CCDC33: variants seen among roughly 807,000 people sequenced by gnomAD.
CCDC33 encodes the protein coiled-coil domain containing 33, also known as coiled-coil domain-containing protein 33.
CCDC33 carries 94 observed loss-of-function variants against 91.9 expected under a neutral mutation model. That is an observed-to-expected ratio of 1.02 (90% CI 0.87 to 1.21). The LOEUF (loss-of-function observed/expected upper bound fraction) is 1.21, where lower values mean the gene tolerates loss of function less well. Among genes scored for constraint, CCDC33 ranks in the 50% most tolerant of loss-of-function variants. The pLI is 0.00. For missense variants in CCDC33, 940 were observed against 935.5 expected (o/e 1.00, Z -0.06); for synonymous variants, 396 against 374.5 (o/e 1.06, Z -0.66).
chr15:74,323,584 G>A (rs147896099), intron 11 of CCDC33, among the ~76,000 whole-genome samples: 1,773 of 152,094 alleles, frequency 0.012, 27 homozygotes, highest in African/African-American at 0.041. Flanking sequence ...CTGAAGTGCA[G>A]TGGCATAATC....
At chr15:74,324,517 C>CA (rs2142840147) in intron 11 of CCDC33, among the ~76,000 whole-genome samples, 1 of 152,172 alleles carries the variant, frequency 6.6e-6, no homozygotes, top group East Asian at 1.9e-4. Context: ...GCCCTCTTGC[C>CA]AGCCTGCTCT....
intron 2 of CCDC33, among the ~76,000 whole-genome samples, chr15:74,251,902 C>T (rs978389308): frequency 6.6e-6 from 1 of 152,184 alleles, no homozygotes; most frequent in Non-Finnish European, 1.5e-5. Context: ...TTATCAAATA[C>T]TCACCATACC....
chr15:74,249,477 G>A (rs978746000), intron 2 of CCDC33, among the ~76,000 whole-genome samples: 1 of 147,858 alleles, frequency 6.8e-6, no homozygotes, highest in Non-Finnish European at 1.5e-5. Context: ...GACAGAGCGA[G>A]GCTCCGTCTA....
At chr15:74,240,853 A>G (rs912054477) in intron 1 of CCDC33, among the ~76,000 whole-genome samples, 23 of 152,094 alleles carry the variant, frequency 1.5e-4, no homozygotes, top group African/African-American at 5.6e-4. Flanking sequence ...TCGGCCTCCC[A>G]AAGTGCTGGG....
At chr15:74,257,718 G>A (rs1046517063) in intron 2 of CCDC33, among the ~76,000 whole-genome samples, 3 of 152,216 alleles carry the variant, frequency 2.0e-5, no homozygotes, top group Admixed American at 6.5e-5. Flanking sequence ...CAATCTATCT[G>A]TTCAAGCCCT....
intron 10 of CCDC33, among the ~76,000 whole-genome samples, chr15:74,285,676 G>A (rs955814918): frequency 5.3e-5 from 8 of 151,952 alleles, no homozygotes; most frequent in African/African-American, 1.9e-4. Flanking sequence ...AATGGCAAGA[G>A]GTGGTGGTCT....
intron 11 of CCDC33, among the ~76,000 whole-genome samples, chr15:74,317,693 C>T (rs2060117340): frequency 2.0e-5 from 3 of 152,160 alleles, no homozygotes; most frequent in Admixed American, 1.3e-4. Flanking sequence ...GTGGAGGGCC[C>T]TATCATGAAA....
At chr15:74,250,887 C>G (rs917954787) in intron 2 of CCDC33, among the ~76,000 whole-genome samples, 16 of 152,208 alleles carry the variant, frequency 1.1e-4, no homozygotes, top group African/African-American at 3.6e-4. Context: ...TGGTGCTAGA[C>G]AGTGTGAGAT....
intron 10 of CCDC33, among the ~76,000 whole-genome samples, chr15:74,286,994 G>C (rs1449443046): frequency 6.6e-6 from 1 of 152,212 alleles, no homozygotes; most frequent in Non-Finnish European, 1.5e-5. Context: ...TCTCTCTGGA[G>C]ACCAGCCCAG....
At chr15:74,222,556 G>A (rs546838089) in intron 2 of CCDC33, among the ~76,000 whole-genome samples, 86 of 134,640 alleles carry the variant, frequency 6.4e-4, no homozygotes, top group East Asian at 3.0e-3. Flanking sequence ...AATTCCTTCC[G>A]TTTAAAACAC....
intron 11 of CCDC33, among the ~76,000 whole-genome samples, chr15:74,304,943 CTTCTTCT>C (rs1427061167): frequency 8.0e-6 from 1 of 125,078 alleles, no homozygotes; most frequent in African/African-American, 2.5e-5. Flanking sequence ...TCTGCTTCTT[CTTCTTCT>C]TTTTTTTTTT....
chr15:74,247,394 ACACG>A (rs1190588220), intron 2 of CCDC33, among the ~76,000 whole-genome samples: 5 of 140,886 alleles, frequency 3.5e-5, no homozygotes, highest in African/African-American at 1.3e-4. Flanking sequence ...ACACACACAC[ACACG>A]TCATATACAT....
rs1239832425 is a variant in CCDC33 at position 74,218,778 on chromosome 15, C to A, written c.592C>A (p.Pro198Thr). 7.8e-7 allele frequency: 1 copy of A among 1,289,060 alleles called. No homozygotes were observed. The highest frequency in any genetic ancestry group is 1.0e-6 in the Non-Finnish European group (1 of 988,414). The allele number at this position is 1,289,060 out of a possible 1,614,324, so 79.9% of individuals were successfully genotyped here. A position where few individuals can be genotyped will look rare whatever the true frequency, so the allele number is the denominator to read the frequency against. Reference sequence around the variant, plus strand: ...CTTCCACGTCCACCGGGGCCCTCAGCCTCCAGTCTCAGACAGCCCTCCCAG... The same window carrying A: ...CTTCCACGTCCACCGGGGCCCTCAGACTCCAGTCTCAGACAGCCCTCCCAG... Residue 198 changes from proline to threonine, a missense_variant, in exon 2 of 3, where the codon CCT becomes ACT. Pro to Thr is a conservative substitution (Grantham distance 38). Coordinates refer to the CCDC33 transcript ENST00000635913. The surrounding 1 kb of genome is among the most constrained non-coding windows in gnomAD (Gnocchi z 4.8).
upstream of CCDC33, chr15:74,217,196 C>A: frequency 9.0e-7 from 1 of 1,116,916 alleles, no homozygotes; most frequent in Non-Finnish European, 1.1e-6. Context: ...AGCCTGCAGG[C>A]TTTCAGACTG....
chr15:74,262,670 T>TAGCC (rs1229863390), intron 3 of CCDC33, 97 bp downstream of exon 3: 6 of 1,370,624 alleles, frequency 4.4e-6, no homozygotes, highest in Non-Finnish European at 5.9e-6. Context: ...CTGCAGCTGG[T>TAGCC]AGCCACCTGA....
Position 74,279,995 on chromosome 15 carries a change from C to A in CCDC33, c.792C>A (p.Pro264=). The A allele has an allele frequency of 1.2e-6, 2 of 1,614,152 alleles. No homozygotes were observed. Among genetic ancestry groups the A allele is most frequent in the Non-Finnish European group, 1.7e-6 (2 of 1,180,014 alleles). The change falls in exon 8 of 19, where the codon CCC becomes CCA. Residue 264 remains proline, a synonymous_variant. Coordinates refer to ENST00000398814, the MANE Select transcript of CCDC33 (RefSeq NM_025055.5). The part of the protein sequence containing the change: ...LSKPGGPPEQ[P]LWNQSFLFQG... ...AGCCTGGGGGACCCCCAGAGCAGCC[C>A]CTGTGGAATCAGTCCTTCCTCTTCC...
chr15:74,326,145 C>T (rs1301509120), intron 11 of CCDC33, among the ~76,000 whole-genome samples: 2 of 152,120 alleles, frequency 1.3e-5, no homozygotes, highest in Non-Finnish European at 2.9e-5. Flanking sequence ...GGCAACATAG[C>T]AAGGCCCCAT....
chr15:74,249,463 G>A (rs373586760), intron 2 of CCDC33, among the ~76,000 whole-genome samples: 6 of 151,650 alleles, frequency 4.0e-5, no homozygotes, highest in South Asian at 2.1e-4. Context: ...ACTCCAGCCT[G>A]GGTGACAGAG....
rs563930808 is a variant in CCDC33, at chr15:74,315,298, A to G, written c.1291-14891A>G. Among the ~76,000 whole-genome samples the G allele has an allele frequency of 9.2e-4, 140 of 152,304 alleles. 1 individual carries two copies. Among genetic ancestry groups the G allele is most frequent in the East Asian group, 3.9e-4 (2 of 5,182 alleles). ...GTTCAGCTGAGCCTCTGGCCCTGCA[A>G]TAGGGAGATCCCAGCCCTGATGAGT... On this transcript the variant is annotated intron_variant, in intron 11 of 18. Transcript: ENST00000398814.
Sources: allele counts gnomAD v4.1 joint callset (sites outside exome capture counted in the v4.1 genomes callset), GRCh38; gene constraint gnomAD v4.1.1; non-coding constraint Gnocchi (gnomAD v3.1); transcripts MANE v1.5; gene names NCBI Gene and HGNC (gene_info 2026-07-23, HGNC 2026-07-21).